Variants in FSTL5 observed in about 807,000 individuals in gnomAD.
FSTL5 encodes follistatin-related protein 5.
In FSTL5, 62 loss-of-function variants were observed where a neutral mutation model predicts 89.1. The ratio of observed to expected loss-of-function variants is 0.70; its 90% CI spans 0.57 to 0.86. The LOEUF (loss-of-function observed/expected upper bound fraction) is 0.86, where lower values mean the gene tolerates loss of function less well. Ranked by LOEUF, FSTL5 falls within the 40% of genes least tolerant of loss-of-function variation. The pLI, the probability that FSTL5 is intolerant of heterozygous loss-of-function variation, is 0.00. For synonymous variants in FSTL5, 383 were observed against 346.2 expected, an observed-to-expected ratio of 1.11 and a Z score of -1.18; for missense variants, 1,057 against 1,001.6, an observed-to-expected ratio of 1.06 and a Z score of -0.75.
intron 10 of FSTL5, among the ~76,000 whole-genome samples, chr4:161,528,776 C>A (rs1222337167): frequency 2.1e-5 from 3 of 143,376 alleles, no homozygotes; most frequent in African/African-American, 7.5e-5. Flanking sequence ...AAAGGATTAA[C>A]TATATTTGAA....
intron 3 of FSTL5, among the ~76,000 whole-genome samples, chr4:161,950,481 C>A (rs1211608482): frequency 2.6e-5 from 4 of 152,142 alleles, no homozygotes; most frequent in African/African-American, 9.7e-5. Context: ...ATATCCTTGG[C>A]GCTGCAGTGC....
chr4:161,409,805 G>A (rs1224860598), intron 15 of FSTL5, among the ~76,000 whole-genome samples: 1 of 152,132 alleles, frequency 6.6e-6, no homozygotes, highest in Non-Finnish European at 1.5e-5. Context: ...TCACTATAAA[G>A]CAACTACAAA....
At chr4:162,068,337 TG>T (rs1423126982) in intron 2 of FSTL5, among the ~76,000 whole-genome samples, 1 of 152,064 alleles carries the variant, frequency 6.6e-6, no homozygotes, top group Non-Finnish European at 1.5e-5. Flanking sequence ...AGCATGGTAC[TG>T]GTACAAAAAC....
chr4:161,906,867 A>C lies in FSTL5; in HGVS notation c.409+13537T>G, dbSNP rs116704965. ...CTCTTTATTTTATAAATTTATAGAT[A>C]TATTTAAATGGAATTTGCTTCCATG... On this transcript the variant is annotated intron_variant, in intron 4 of 15. Coordinates refer to ENST00000306100, the MANE Select transcript of FSTL5 (RefSeq NM_020116.5). Among the ~76,000 whole-genome samples the C allele has an allele frequency of 9.4e-3, 1,430 of 152,248 alleles. 26 individuals carry two copies. Among genetic ancestry groups the C allele is most frequent in the African/African-American group, 0.033 (1,354 of 41,562 alleles).
At chr4:161,517,200 G>C (rs987976978) in intron 10 of FSTL5, among the ~76,000 whole-genome samples, 7 of 152,034 alleles carry the variant, frequency 4.6e-5, no homozygotes, top group African/African-American at 1.7e-4. Context: ...ACCCAGCTTA[G>C]TTTTTAAACT....
chr4:162,104,472 G>A (rs1380267226), intron 2 of FSTL5, among the ~76,000 whole-genome samples: 3 of 152,214 alleles, frequency 2.0e-5, no homozygotes, highest in East Asian at 1.9e-4. Context: ...CCCACTCCCC[G>A]ACCCCTGTAA....
At chr4:161,446,333 T>C (rs1732944856) in intron 15 of FSTL5, among the ~76,000 whole-genome samples, 1 of 152,090 alleles carries the variant, frequency 6.6e-6, no homozygotes, top group South Asian at 2.1e-4. Context: ...TACCATTATT[T>C]TATGTATGTA....
rs186609403 is a variant in FSTL5 at position 162,109,379 on chromosome 4, T to A, written c.126+1892A>T. On this transcript the variant is annotated intron_variant, in intron 2 of 15. Transcript: ENST00000306100. ...CTCACACAAACAGACACACACACATTCACCAAATCTCATCTCTGCTCAAAG... is the reference window on the plus strand; with the variant it reads ...CTCACACAAACAGACACACACACATACACCAAATCTCATCTCTGCTCAAAG... 5.3e-5 allele frequency among the ~76,000 whole-genome samples: 8 copies of A among 152,100 alleles called. No homozygotes were observed. The East Asian group carries it at 5.8e-4, about 11-fold the overall frequency.
chr4:161,810,459 G>A (rs1228931368), intron 4 of FSTL5, among the ~76,000 whole-genome samples: 2 of 152,116 alleles, frequency 1.3e-5, no homozygotes, highest in South Asian at 2.1e-4. Flanking sequence ...TTAAGCAGCC[G>A]AGAAGGGTGT....
At chr4:161,451,787 T>G (rs1374540864) in intron 15 of FSTL5, among the ~76,000 whole-genome samples, 1 of 152,230 alleles carries the variant, frequency 6.6e-6, no homozygotes, top group Non-Finnish European at 1.5e-5. Context: ...AACACAGTTC[T>G]TCCCTCAGTA....
intron 7 of FSTL5, among the ~76,000 whole-genome samples, chr4:161,590,463 C>G (rs546478895): frequency 6.6e-6 from 1 of 152,122 alleles, no homozygotes; most frequent in Non-Finnish European, 1.5e-5. Flanking sequence ...TGCTTGAACC[C>G]GAGAGGTGGA....
chr4:162,024,046 A>T (rs1410688769), intron 3 of FSTL5, among the ~76,000 whole-genome samples: 1 of 152,126 alleles, frequency 6.6e-6, no homozygotes, highest in Non-Finnish European at 1.5e-5. Flanking sequence ...AGGCCCTGTA[A>T]AAAAAGCCTA....
At chr4:161,799,551 T>A (rs1042055080) in intron 4 of FSTL5, among the ~76,000 whole-genome samples, 2 of 151,740 alleles carry the variant, frequency 1.3e-5, no homozygotes, top group African/African-American at 4.8e-5. Context: ...CTTGACATCT[T>A]ATTCACCTAG....
At chr4:161,842,438 C>G (rs1187070287) in intron 4 of FSTL5, among the ~76,000 whole-genome samples, 2 of 152,054 alleles carry the variant, frequency 1.3e-5, no homozygotes, top group African/African-American at 2.4e-5. Flanking sequence ...ATTGGTATCT[C>G]TTTATATGTG....
chr4:161,725,020 C>A (rs951218780), intron 6 of FSTL5, among the ~76,000 whole-genome samples: 10 of 151,916 alleles, frequency 6.6e-5, no homozygotes, highest in Admixed American at 5.9e-4. Context: ...CATGGTGAAA[C>A]TCCCGTCTCT....
intron 4 of FSTL5, among the ~76,000 whole-genome samples, chr4:161,908,137 G>GA (rs1222795184): frequency 6.0e-5 from 9 of 151,146 alleles, no homozygotes; most frequent in African/African-American, 1.2e-4. Flanking sequence ...CCCTGCAATG[G>GA]AAAAAAAACA....
chr4:161,748,613 T>G (rs888752567), intron 6 of FSTL5, among the ~76,000 whole-genome samples: 3 of 149,810 alleles, frequency 2.0e-5, no homozygotes, highest in South Asian at 4.2e-4. Flanking sequence ...CACGTTTTTT[T>G]TTTTTTTTTT....
At chr4:161,430,378 T>C (rs1400913458) in intron 15 of FSTL5, among the ~76,000 whole-genome samples, 1 of 152,162 alleles carries the variant, frequency 6.6e-6, no homozygotes, top group African/African-American at 2.4e-5. Flanking sequence ...GGTATCCATA[T>C]TCAAGTCAAA....
intron 7 of FSTL5, among the ~76,000 whole-genome samples, chr4:161,599,033 A>T (rs185125215): frequency 3.9e-4 from 60 of 152,278 alleles, no homozygotes; most frequent in Non-Finnish European, 7.5e-4. Context: ...GTAAAAATAC[A>T]TTATCAAAAC....
Sources: gnomAD v4.1 joint callset for allele counts (sites outside exome capture counted in the v4.1 genomes callset) on GRCh38, gnomAD v4.1.1 for gene constraint, MANE v1.5 for transcripts, NCBI Gene and HGNC (gene_info 2026-07-23, HGNC 2026-07-21) for gene names.